FOXN3: variants seen among roughly 807,000 people sequenced by gnomAD.
The protein encoded by FOXN3 is forkhead box protein N3.
A neutral mutation model predicts 38.4 loss-of-function variants in FOXN3; 7 were observed. The observed-to-expected ratio is 0.18, with a 90% CI of 0.10 to 0.34. FOXN3 has a LOEUF of 0.34. Among genes scored for constraint, FOXN3 ranks in the 10% least tolerant of loss-of-function variants. The pLI is 1.00. For missense variants in FOXN3, 456 were observed against 613.4 expected, an observed-to-expected ratio of 0.74 and a Z score of 2.71; for synonymous variants, 230 against 242.2, an observed-to-expected ratio of 0.95 and a Z score of 0.47.
At chr14:89,166,226 G>A (rs528141927) in intron 5 of FOXN3, among the ~76,000 whole-genome samples, 47 of 152,248 alleles carry the variant, frequency 3.1e-4, no homozygotes, top group Admixed American at 2.5e-3. Flanking sequence ...GAATGGTTTC[G>A]AGCCTGAGAA....
rs1555421703 is a variant in FOXN3 at position 89,363,961 on chromosome 14, T to TATATATATATATATATA, written c.544-13170_544-13154dup. On this transcript the variant is annotated intron_variant, in intron 2 of 5. Coordinates refer to ENST00000557258, the MANE Select transcript of FOXN3 (RefSeq NM_005197.4). Reference sequence around the variant, plus strand: ...CCTGTCTGTAAAATATATATATATATATATATATATATATATATATATATA... The same window carrying TATATATATATATATATA: ...CCTGTCTGTAAAATATATATATATATATATATATATATATATAATATATATATATATATATATATATA... 6.1e-4 allele frequency among the ~76,000 whole-genome samples: 9 copies of TATATATATATATATATA among 14,670 alleles called. No homozygotes were observed. In the East Asian group the frequency reaches 0.015, roughly 25 times the overall value. The allele number at this position is 14,670 out of a possible 152,430, so 9.6% of individuals were successfully genotyped here.
chr14:89,410,896 A>G (rs1201313663), intron 2 of FOXN3, among the ~76,000 whole-genome samples: 1 of 147,346 alleles, frequency 6.8e-6, no homozygotes, highest in East Asian at 2.0e-4. Flanking sequence ...GAAAAAAAAG[A>G]AAAAAGAAAA....
intron 4 of FOXN3, among the ~76,000 whole-genome samples, chr14:89,249,208 A>G (rs1475290638): frequency 6.6e-6 from 1 of 152,196 alleles, no homozygotes; most frequent in African/African-American, 2.4e-5. Flanking sequence ...ACATTCTAGA[A>G]ATTCCTGCAG....
intron 4 of FOXN3, among the ~76,000 whole-genome samples, chr14:89,204,518 T>TA (rs1361095545): frequency 2.0e-5 from 3 of 151,938 alleles, no homozygotes; most frequent in Admixed American, 2.0e-4. Context: ...GTATTTTTTT[T>TA]AAAAAACTTT....
At chr14:89,354,544 A>T (rs1262778596) in intron 2 of FOXN3, among the ~76,000 whole-genome samples, 4 of 122,374 alleles carry the variant, frequency 3.3e-5, no homozygotes, top group East Asian at 4.6e-4. Flanking sequence ...GCTTTTTATT[A>T]AAAAAAAAAA....
intron 1 of FOXN3, among the ~76,000 whole-genome samples, chr14:89,524,989 C>A (rs1566686582): frequency 6.6e-6 from 1 of 152,166 alleles, no homozygotes; most frequent in Non-Finnish European, 1.5e-5. Context: ...CACCCCTAGT[C>A]AGCCTGAAGA....
chr14:89,607,183 G>T (rs1266683241), intron 1 of FOXN3, among the ~76,000 whole-genome samples: 1 of 152,180 alleles, frequency 6.6e-6, no homozygotes, highest in Non-Finnish European at 1.5e-5. Flanking sequence ...AAGGCATTAA[G>T]ATGCTGGAGA....
intron 3 of FOXN3, 147 bp from the exon 4 acceptor site, chr14:89,281,161 C>A (rs758383821): frequency 7.4e-6 from 5 of 675,310 alleles, no homozygotes; most frequent in Non-Finnish European, 1.3e-5. Flanking sequence ...ATGAGGTCTG[C>A]TTTATTGTAA....
At chr14:89,592,177 G>A (rs1371081630) in intron 1 of FOXN3, among the ~76,000 whole-genome samples, 1 of 152,064 alleles carries the variant, frequency 6.6e-6, no homozygotes, top group Admixed American at 6.6e-5. Flanking sequence ...AAGGCAATAA[G>A]ACAAAAAGAT....
At chr14:89,593,346 C>CA (rs1317338164) in intron 1 of FOXN3, among the ~76,000 whole-genome samples, 11 of 151,484 alleles carry the variant, frequency 7.3e-5, no homozygotes, top group Admixed American at 2.6e-4. Flanking sequence ...TTATTAATAG[C>CA]AAAAAAAACT....
intron 1 of FOXN3, among the ~76,000 whole-genome samples, chr14:89,467,802 T>TTC (rs1166805437): frequency 1.4e-3 from 173 of 121,352 alleles, no homozygotes; most frequent in African/African-American, 4.9e-3. Flanking sequence ...TTTTCTTTCT[T>TTC]TGTTTTTTTT....
At chr14:89,572,169 A>G (rs531825052) in intron 1 of FOXN3, among the ~76,000 whole-genome samples, 10 of 152,332 alleles carry the variant, frequency 6.6e-5, no homozygotes, top group African/African-American at 2.4e-4. Flanking sequence ...TGAGATTGTT[A>G]AGATTCTGGA....
chr14:89,415,847 T>TACACACACACACACACACACAC (rs5810462), intron 1 of FOXN3, among the ~76,000 whole-genome samples: 2,900 of 140,276 alleles, frequency 0.021, 44 homozygotes, highest in African/African-American at 0.024. Flanking sequence ...AACTTTTCTC[T>TACACACACACACACACACACAC]ACACACACAC....
At chr14:89,246,532 C>T (rs1469679478) in intron 4 of FOXN3, among the ~76,000 whole-genome samples, 2 of 134,834 alleles carry the variant, frequency 1.5e-5, no homozygotes, top group African/African-American at 5.6e-5. Context: ...ATCTTATTTG[C>T]AGGATGCGGC....
chr14:89,498,202 CTCTCTCTCTTTTTTTTT>C (rs1893724437), intron 1 of FOXN3, among the ~76,000 whole-genome samples: 1 of 137,922 alleles, frequency 7.3e-6, no homozygotes, highest in African/African-American at 2.9e-5. Context: ...GCTTCTCTCT[CTCTCTCTCTTTTTTTTT>C]TTTTTTTTTT....
chr14:89,283,554 T>C (rs149579520), intron 3 of FOXN3, among the ~76,000 whole-genome samples: 96 of 152,260 alleles, frequency 6.3e-4, no homozygotes, highest in African/African-American at 2.0e-3. Context: ...ATGAAACCAG[T>C]GACAGAAGTC....
rs907631357 is a variant in FOXN3, at chr14:89,249,669, T to C, written c.745+31281A>G. Among the ~76,000 whole-genome samples the C allele has an allele frequency of 2.6e-5, 4 of 152,216 alleles. No homozygotes were observed. The East Asian group carries it at 5.8e-4, about 22-fold the overall frequency. The stretch of plus-strand genomic sequence containing the variant: ...CTCTTGGCTGTAGAGGAAGGTCTCA[T>C]AGTCCCTGCTCATTCGGGAGAAAGA... On this transcript the variant is annotated intron_variant, in intron 4 of 5. Coordinates refer to ENST00000557258, the MANE Select transcript of FOXN3 (RefSeq NM_005197.4).
At chr14:89,517,016 G>T (rs565055904) in intron 1 of FOXN3, among the ~76,000 whole-genome samples, 1 of 152,168 alleles carries the variant, frequency 6.6e-6, no homozygotes. Context: ...ACTCAAATAC[G>T]TGATCTCCTG....
At chr14:89,212,657 TC>T in intron 4 of FOXN3, among the ~76,000 whole-genome samples, 1 of 152,106 alleles carries the variant, frequency 6.6e-6, no homozygotes, top group Non-Finnish European at 1.5e-5. Context: ...CTGGCCTGGG[TC>T]CCCCTCCTTT....
Sources: gnomAD v4.1 joint callset for allele counts (sites outside exome capture counted in the v4.1 genomes callset) on GRCh38, gnomAD v4.1.1 for gene constraint, MANE v1.5 for transcripts, NCBI Gene and HGNC (gene_info 2026-07-23, HGNC 2026-07-21) for gene names.